CPHXL2: variants seen among roughly 807,000 people sequenced by gnomAD.
CPHXL2 encodes cytoplasmic polyadenylated homeobox-like protein 2.
the CPHXL2 span, among the ~76,000 whole-genome samples, chr16:75,674,010 TAAAAG>T: frequency 1.4e-4 from 18 of 129,598 alleles, no homozygotes; most frequent in East Asian, 2.4e-4. Flanking sequence ...AAAAAAAAGA[TAAAAG>T]AAAAGAAAAA....
At chr16:75,665,839 TG>T in the CPHXL2 span, among the ~76,000 whole-genome samples, 3 of 152,180 alleles carry the variant, frequency 2.0e-5, no homozygotes, top group African/African-American at 7.2e-5. Flanking sequence ...CACTCCAGCC[TG>T]GGCAACAGAG....
chr16:75,671,567 T>C, the CPHXL2 span, among the ~76,000 whole-genome samples: 5 of 152,156 alleles, frequency 3.3e-5, no homozygotes, highest in African/African-American at 4.8e-5. Flanking sequence ...GCTTTTAGTC[T>C]ATCTTATTTA....
At chr16:75,660,423 T>G in the CPHXL2 span, 1 of 398,552 alleles carries the variant, frequency 2.5e-6, no homozygotes, top group Admixed American at 4.4e-5. Flanking sequence ...AGGCACGTGC[T>G]GCAGTTGAGA....
chr16:75,660,708 C>G, the CPHXL2 span: 3 of 398,550 alleles, frequency 7.5e-6, no homozygotes, highest in African/African-American at 6.2e-5. Context: ...AAGGAAGGGA[C>G]TTGCATGCTG....
chr16:75,669,122 C>T, the CPHXL2 span, among the ~76,000 whole-genome samples: 1 of 151,926 alleles, frequency 6.6e-6, no homozygotes, highest in Non-Finnish European at 1.5e-5. Flanking sequence ...CGACACCAGC[C>T]CGGGCAACAT....
At chr16:75,667,051 C>A in the CPHXL2 span, among the ~76,000 whole-genome samples, 2 of 152,046 alleles carry the variant, frequency 1.3e-5, no homozygotes, top group African/African-American at 4.8e-5. Flanking sequence ...GTGGCTCACA[C>A]CTGTAATCCC....
chr16:75,675,018 G>A, the CPHXL2 span, among the ~76,000 whole-genome samples: 146 of 149,656 alleles, frequency 9.8e-4, no homozygotes, highest in African/African-American at 1.7e-3. Context: ...GTGAAACCCC[G>A]TCTCTACTAA....
At chr16:75,662,412 T>C in the CPHXL2 span, among the ~76,000 whole-genome samples, 1 of 151,050 alleles carries the variant, frequency 6.6e-6, no homozygotes, top group East Asian at 1.9e-4. Context: ...GTGATCAACT[T>C]AACCATCAGC....
chr16:75,668,544 G>C, the CPHXL2 span, among the ~76,000 whole-genome samples: 1 of 152,184 alleles, frequency 6.6e-6, no homozygotes, highest in East Asian at 1.9e-4. Flanking sequence ...TTCATATTGT[G>C]TGTGTGTGTA....
chr16:75,666,812 A>G, the CPHXL2 span, among the ~76,000 whole-genome samples: 45 of 152,314 alleles, frequency 3.0e-4, 1 homozygote, highest in South Asian at 8.3e-4. Flanking sequence ...TTTCTCCAAG[A>G]TAGACCATAT....
At chr16:75,670,300 T>C in the CPHXL2 span, among the ~76,000 whole-genome samples, 2 of 152,262 alleles carry the variant, frequency 1.3e-5, no homozygotes, top group Admixed American at 1.3e-4. Flanking sequence ...AACTGATCTA[T>C]ACTGATTGGA....
At chr16:75,673,752 G>C in the CPHXL2 span, among the ~76,000 whole-genome samples, 38 of 151,154 alleles carry the variant, frequency 2.5e-4, no homozygotes, top group Non-Finnish European at 1.2e-4. Context: ...CCAAGCGGGG[G>C]CGAATGGCTT....
the CPHXL2 span, among the ~76,000 whole-genome samples, chr16:75,673,262 T>C: frequency 4.6e-5 from 7 of 151,048 alleles, no homozygotes; most frequent in Non-Finnish European, 8.9e-5. Flanking sequence ...TGTTGAAACC[T>C]CTTCTCTACG....
the CPHXL2 span, among the ~76,000 whole-genome samples, chr16:75,670,490 G>A: frequency 1.3e-5 from 2 of 152,146 alleles, no homozygotes; most frequent in Non-Finnish European, 2.9e-5. Context: ...GGCATGCACA[G>A]TATATTTCAG....
At chr16:75,668,324 G>C in the CPHXL2 span, among the ~76,000 whole-genome samples, 1 of 151,170 alleles carries the variant, frequency 6.6e-6, no homozygotes, top group Non-Finnish European at 1.5e-5. Context: ...TGCCTCCTGG[G>C]TTCCAGCGAT....
chr16:75,660,430 G>C, the CPHXL2 span: 1 of 398,530 alleles, frequency 2.5e-6, no homozygotes, highest in Non-Finnish European at 4.4e-6. Context: ...TGCTGCAGTT[G>C]AGAGCACAAC....
chr16:75,674,221 A>C, the CPHXL2 span, among the ~76,000 whole-genome samples: 1 of 150,510 alleles, frequency 6.6e-6, no homozygotes, highest in Non-Finnish European at 1.5e-5. Context: ...AAAATACAAA[A>C]AATTAGCCGG....
chr16:75,669,897 A>G, the CPHXL2 span, among the ~76,000 whole-genome samples: 1 of 152,138 alleles, frequency 6.6e-6, no homozygotes, highest in Non-Finnish European at 1.5e-5. Flanking sequence ...CACACAGCCT[A>G]ACATATTTAC....
chr16:75,672,278 C>CAA, the CPHXL2 span, among the ~76,000 whole-genome samples: 4 of 96,348 alleles, frequency 4.2e-5, no homozygotes, highest in African/African-American at 7.7e-5. Context: ...GACTCCATCT[C>CAA]AAAAAAAAAA....
Sources: allele counts gnomAD v4.1 joint callset (sites outside exome capture counted in the v4.1 genomes callset), GRCh38; gene constraint gnomAD v4.1.1; transcripts MANE v1.5; gene names NCBI Gene and HGNC (gene_info 2026-07-23, HGNC 2026-07-21).